The following P2RY8 variants were observed in gnomAD, a reference collection of about 807,000 sequenced individuals.
The protein encoded by P2RY8 is S-geranylgeranyl-glutathione receptor P2RY8.
In P2RY8, 6 loss-of-function variants were observed where a neutral mutation model predicts 10.0. That is an observed-to-expected ratio of 0.60 (90% CI 0.33 to 1.19). The LOEUF is 1.19. Among genes scored for constraint, P2RY8 ranks in the 50% most tolerant of loss-of-function variants. P2RY8 has a pLI of 0.04. For missense variants in P2RY8, 456 were observed against 542.0 expected (o/e 0.84, Z 1.58); for synonymous variants, 276 against 252.5 (o/e 1.09, Z -0.88).
chrX:1,509,796 C>CCTATCTAT (rs1170051824), intron 1 of P2RY8, among the ~76,000 whole-genome samples: 6,892 of 105,194 alleles, frequency 0.066, 452 homozygotes, highest in South Asian at 0.12. Context: ...ATGTATCCAT[C>CCTATCTAT]CTATCTATCT....
intron 1 of P2RY8, among the ~76,000 whole-genome samples, chrX:1,500,970 G>A (rs1230304729): frequency 5.3e-5 from 8 of 152,198 alleles, no homozygotes; most frequent in African/African-American, 1.9e-4. Context: ...TCCAGGCCAA[G>A]CAGCTGGGGC....
At chrX:1,487,349 C>T (rs769947047) in intron 1 of P2RY8, among the ~76,000 whole-genome samples, 1 of 152,268 alleles carries the variant, frequency 6.6e-6, no homozygotes, top group East Asian at 1.9e-4. Flanking sequence ...TTAGAGCAGA[C>T]GTCACATTGA....
chrX:1,518,071 T>C (rs1158252104), intron 1 of P2RY8, among the ~76,000 whole-genome samples: 2 of 148,684 alleles, frequency 1.3e-5, no homozygotes, highest in Non-Finnish European at 3.0e-5. Flanking sequence ...ATTTTGTCAC[T>C]GCACTCCAGC....
chrX:1,480,393 G>GTTT (rs10552339), intron 1 of P2RY8, among the ~76,000 whole-genome samples: 1 of 148,076 alleles, frequency 6.8e-6, no homozygotes. Flanking sequence ...CGCTTCCCGG[G>GTTT]TTTTTTTTTT....
chrX:1,524,328 T>C (rs749363350), intron 1 of P2RY8, among the ~76,000 whole-genome samples: 1 of 151,200 alleles, frequency 6.6e-6, no homozygotes, highest in African/African-American at 2.4e-5. Flanking sequence ...TCATTCCTCA[T>C]CCATCCATGC....
chrX:1,492,840 A>T (rs2092066748), intron 1 of P2RY8, among the ~76,000 whole-genome samples: 1 of 152,178 alleles, frequency 6.6e-6, no homozygotes, highest in Non-Finnish European at 1.5e-5. Flanking sequence ...GTCACGTATC[A>T]TTCATCACTA....
chrX:1,519,466 C>G (rs1355581001), intron 1 of P2RY8, among the ~76,000 whole-genome samples: 11 of 151,458 alleles, frequency 7.3e-5, no homozygotes, highest in African/African-American at 2.2e-4. Flanking sequence ...AATATTCTCT[C>G]TGGTTCCCAA....
At position 1,465,231 on chromosome X, in the gene P2RY8, A is replaced by G; in HGVS notation, c.*248T>C. 1.7e-6 allele frequency: 1 copy of G among 580,242 alleles called. No individual in the cohort carries two copies. Among genetic ancestry groups the G allele is most frequent in the Non-Finnish European group, 2.9e-6 (1 of 341,638 alleles). 35.9% of individuals were successfully genotyped at this position (580,242 alleles called of 1,614,324 possible). On this transcript the variant is annotated 3_prime_UTR_variant, in exon 2 of 2. Coordinates refer to ENST00000381297, the MANE Select transcript of P2RY8 (RefSeq NM_178129.5). ...GAGGCAGAGGCACCCTCTGCAGGAT[A>G]ACAAGCACCCTGTGCGCTGCTGGGC...
rs754559630 is a variant in P2RY8, at chrX:1,510,863, A to G, written c.-25+26058T>C. Among the ~76,000 whole-genome samples, 8 of 151,048 alleles carry G rather than the reference A, an allele frequency of 5.3e-5. No homozygotes were observed. In the South Asian group the frequency reaches 1.7e-3, roughly 32 times the overall value. ...CACTGCACTCCAGCCTGGGCAACAGAGTGTGACTCCGTCTCAAAAAGAAAA... is the reference window on the plus strand; with the variant it reads ...CACTGCACTCCAGCCTGGGCAACAGGGTGTGACTCCGTCTCAAAAAGAAAA... On this transcript the variant is annotated intron_variant, in intron 1 of 1. Transcript: ENST00000381297.
intron 1 of P2RY8, among the ~76,000 whole-genome samples, chrX:1,467,911 T>C (rs184100403): frequency 1.3e-5 from 2 of 152,294 alleles, no homozygotes; most frequent in African/African-American, 4.8e-5. Context: ...ACTCCTGGCC[T>C]CAAGCAATCC....
intron 1 of P2RY8, among the ~76,000 whole-genome samples, chrX:1,529,134 A>G (rs2092457812): frequency 6.6e-6 from 1 of 152,144 alleles, no homozygotes; most frequent in South Asian, 2.1e-4. Context: ...AAAGGTGGAG[A>G]ATAAATCCTC....
intron 1 of P2RY8, among the ~76,000 whole-genome samples, chrX:1,489,327 G>A (rs1194412944): frequency 1.3e-5 from 2 of 150,722 alleles, no homozygotes; most frequent in African/African-American, 4.9e-5. Flanking sequence ...ATTTACTCCT[G>A]CAACAGTGGA....
At chrX:1,498,986 C>A (rs1454789689) in intron 1 of P2RY8, among the ~76,000 whole-genome samples, 4 of 149,582 alleles carry the variant, frequency 2.7e-5, no homozygotes, top group African/African-American at 9.9e-5. Flanking sequence ...AGGCGCGTGC[C>A]ATAATGCCTA....
In P2RY8 at chrX:1,465,865, G is replaced by T; in HGVS notation, c.694C>A (p.Arg232=). 1 of 1,612,498 alleles carries T rather than the reference G, an allele frequency of 6.2e-7. No individual in the cohort carries two copies. The highest frequency in any genetic ancestry group is 1.7e-4 in the Middle Eastern group (1 of 5,798). Residue 232 remains arginine (R), a synonymous_variant, in exon 2 of 2, where the codon CGG becomes AGG. Coordinates refer to ENST00000381297, the MANE Select transcript of P2RY8 (RefSeq NM_178129.5). ...GCGGCCAGGCCCACCGCGCGCCTCC[G>T]CTGCTCCCGGCCGTGCGCCTCCTCC... is the stretch of plus-strand genomic sequence containing the variant. ...RTEEAHGREQ[R]RRAVGLAAVV...
chrX:1,518,228 C>G (rs1187454342), intron 1 of P2RY8, among the ~76,000 whole-genome samples: 1 of 151,520 alleles, frequency 6.6e-6, no homozygotes, highest in Non-Finnish European at 1.5e-5. Context: ...GAGTTCGAGA[C>G]CATCCTGGCC....
chrX:1,529,003 T>TC (rs1261148447), intron 1 of P2RY8, among the ~76,000 whole-genome samples: 2 of 152,136 alleles, frequency 1.3e-5, no homozygotes, highest in African/African-American at 4.8e-5. Context: ...TAAATGACGC[T>TC]CCCCATTGAT....
chrX:1,529,884 T>G (rs73186974), intron 1 of P2RY8, among the ~76,000 whole-genome samples: 10,551 of 152,020 alleles, frequency 0.069, 517 homozygotes, highest in Non-Finnish European at 0.1. Flanking sequence ...CTGGGTAATG[T>G]CTGAGGACAG....
chrX:1,528,058 A>C (rs1157344253), intron 1 of P2RY8, among the ~76,000 whole-genome samples: 4 of 152,026 alleles, frequency 2.6e-5, no homozygotes, highest in Admixed American at 6.6e-5. Context: ...ATTCTCCTCC[A>C]CCCCAAGAAC....
At chrX:1,525,475 G>C (rs757289467) in intron 1 of P2RY8, among the ~76,000 whole-genome samples, 37 of 152,266 alleles carry the variant, frequency 2.4e-4, no homozygotes, top group African/African-American at 8.2e-4. Context: ...GGGACGTCAA[G>C]GATGGCAGAG....
Sources: allele counts gnomAD v4.1 joint callset (sites outside exome capture counted in the v4.1 genomes callset), GRCh38; gene constraint gnomAD v4.1.1; transcripts MANE v1.5; gene names NCBI Gene and HGNC (gene_info 2026-07-23, HGNC 2026-07-21).